Variants in MKRN2OS observed in about 807,000 individuals in gnomAD.
The protein encoded by MKRN2OS is MKRN2 opposite strand protein.
A neutral mutation model predicts 18.2 loss-of-function variants in MKRN2OS; 17 were observed. The observed-to-expected ratio is 0.93, with a 90% CI of 0.64 to 1.40. The LOEUF is 1.40. Among genes scored for constraint, MKRN2OS ranks in the 40% most tolerant of loss-of-function variants. The probability of loss-of-function intolerance (pLI) is 0.00; values close to 1 mark genes in which losing one functional copy is unlikely to be tolerated. For synonymous variants in MKRN2OS, 121 were observed against 108.5 expected, an observed-to-expected ratio of 1.12 and a Z score of -0.72; for missense variants, 337 against 283.0, an observed-to-expected ratio of 1.19 and a Z score of -1.37.
In MKRN2OS at chr3:12,543,230, C is replaced by A. The variant is rs2057839875; in HGVS notation, c.219-1G>T. 1 of 1,532,860 alleles carries A rather than the reference C, an allele frequency of 6.5e-7. No homozygotes were observed. Among genetic ancestry groups the A allele is most frequent in the Admixed American group, 2.0e-5 (1 of 50,412 alleles). The allele number at this position is 1,532,860 out of a possible 1,614,324, so 95.0% of individuals were successfully genotyped here. On this transcript the variant is annotated splice_acceptor_variant, in intron 1 of 3. Transcript: ENST00000564146. LOFTEE classifies it high-confidence loss of function. ...AAGATCAGACCTTCCATCATACTCT[C>A]TGAAAGAAACAAGGTTTGTTTTTTT...
At chr3:12,545,010 G>C (rs2057866372) in intron 1 of MKRN2OS, among the ~76,000 whole-genome samples, 2 of 152,172 alleles carry the variant, frequency 1.3e-5, no homozygotes, top group South Asian at 4.1e-4. Flanking sequence ...AATCATATGA[G>C]CAGGTTTACT....
At chr3:12,553,686 G>A (rs1323152813), downstream of MKRN2OS, 1 of 152,040 alleles carries the variant, frequency 6.6e-6, no homozygotes, top group Non-Finnish European at 1.5e-5. Flanking sequence ...AATAAGGCAA[G>A]GAAAAGAAAT....
intron 1 of MKRN2OS, among the ~76,000 whole-genome samples, chr3:12,554,720 A>T (rs766856940): frequency 6.6e-6 from 1 of 152,166 alleles, no homozygotes; most frequent in Non-Finnish European, 1.5e-5. Context: ...TCCACTGATT[A>T]TGTACGCTGT....
upstream of MKRN2OS, among the ~76,000 whole-genome samples, chr3:12,548,399 G>C (rs1345209883): frequency 1.2e-5 from 1 of 83,816 alleles, no homozygotes; most frequent in Non-Finnish European, 2.1e-5. Context: ...AGTGAGCCGA[G>C]ATCGCGCCAC....
At chr3:12,557,190 A>G in intron 1 of MKRN2OS, 1 of 1,534,856 alleles carries the variant, frequency 6.5e-7, no homozygotes, top group Non-Finnish European at 8.8e-7. Flanking sequence ...AGTGCGCTGG[A>G]GCCAGGAGCT....
intron 1 of MKRN2OS, among the ~76,000 whole-genome samples, chr3:12,557,345 G>T (rs1244423773): frequency 2.0e-5 from 3 of 152,234 alleles, no homozygotes; most frequent in African/African-American, 7.2e-5. Flanking sequence ...CGCCACAGCC[G>T]GGGATCCGGG....
intron 1 of MKRN2OS, among the ~76,000 whole-genome samples, chr3:12,558,649 G>A (rs921728400): frequency 2.0e-5 from 3 of 152,200 alleles, no homozygotes; most frequent in Non-Finnish European, 4.4e-5. Flanking sequence ...TTACACCTTA[G>A]TAGAGGCACA....
rs2057983413 is a variant in MKRN2OS at position 12,557,229 on chromosome 3, G to C, written n.265-3095C>G. The C allele has an allele frequency of 2.0e-6, 3 of 1,518,016 alleles. No individual in the cohort carries two copies. The African/African-American group carries it at 4.3e-5, about 22-fold the overall frequency. The allele number at this position is 1,518,016 out of a possible 1,614,324, so 94.0% of individuals were successfully genotyped here. ...GGCCGCTCCCCCAGGCCGCAGGGGGGCCGGTGCGCGCCAGTGCTGTGGTCC... is the reference window on the plus strand; with the variant it reads ...GGCCGCTCCCCCAGGCCGCAGGGGGCCCGGTGCGCGCCAGTGCTGTGGTCC... On this transcript the variant is annotated intron_variant and non_coding_transcript_variant, in intron 1 of 1. Coordinates refer to the MKRN2OS transcript ENST00000447550.
Position 12,557,230 on chromosome 3 carries a change from C to A in MKRN2OS, n.265-3096G>T, listed in dbSNP as rs1428183023. 11 of 1,516,120 alleles carry A rather than the reference C, an allele frequency of 7.3e-6. No homozygotes were observed. The East Asian group carries it at 2.9e-4, about 40-fold the overall frequency. The allele number at this position is 1,516,120 out of a possible 1,614,324, so 93.9% of individuals were successfully genotyped here. A position where few individuals can be genotyped will look rare whatever the true frequency, so the allele number is the denominator to read the frequency against. ...GCCGCTCCCCCAGGCCGCAGGGGGG[C>A]CGGTGCGCGCCAGTGCTGTGGTCCG... On this transcript the variant is annotated intron_variant and non_coding_transcript_variant, in intron 1 of 1. Transcript: ENST00000447550.
In MKRN2OS at chr3:12,541,916, C is replaced by G. The variant is rs1336078520; in HGVS notation, c.375G>C (p.Glu125Asp). Residue 125 changes from glutamate to aspartate, a missense_variant, in exon 3 of 4, where the codon GAG (glutamate) becomes GAC (aspartate). By Grantham distance (45) the Glu-to-Asp change is conservative. Coordinates refer to ENST00000564146, the MANE Select transcript of MKRN2OS (RefSeq NM_001195279.2). ...AGTCTTCCAGGTACTTGTCCCATTG[C>G]TCCATCATTCCATACATGTTGGGCT... is the stretch of plus-strand genomic sequence containing the variant. Reference protein sequence around the residue: ...LLQPNMYGMMEQWDKYLEDFS... With the variant: ...LLQPNMYGMMDQWDKYLEDFS... 7 of 1,535,972 alleles carry G rather than the reference C, an allele frequency of 4.6e-6. No individual in the cohort carries two copies. Among genetic ancestry groups the G allele is most frequent in the Non-Finnish European group, 6.1e-6 (7 of 1,146,900 alleles).
At chr3:12,552,719 TTTAA>T (rs1224434710), downstream of MKRN2OS, among the ~76,000 whole-genome samples, 11 of 151,686 alleles carry the variant, frequency 7.3e-5, no homozygotes, top group African/African-American at 2.7e-4. Context: ...CATTTAAATC[TTTAA>T]TTAAAAATCA....
At chr3:12,557,406 G>A (rs1328637552) in intron 1 of MKRN2OS, among the ~76,000 whole-genome samples, 1 of 152,238 alleles carries the variant, frequency 6.6e-6, no homozygotes, top group Non-Finnish European at 1.5e-5. Flanking sequence ...GCTACGCCCC[G>A]AGTTTGAAGC....
At chr3:12,546,838 A>G (rs1378175502), upstream of MKRN2OS, among the ~76,000 whole-genome samples, 1 of 152,144 alleles carries the variant, frequency 6.6e-6, no homozygotes, top group African/African-American at 2.4e-5. Context: ...TCAGCCTCCC[A>G]AAGTGCTGGG....
upstream of MKRN2OS, among the ~76,000 whole-genome samples, chr3:12,548,724 C>A (rs2057907097): frequency 3.9e-5 from 6 of 152,078 alleles, no homozygotes; most frequent in South Asian, 1.2e-3. Context: ...CTTTCTGACA[C>A]CAACACCAAG....
chr3:12,560,478 T>TAAAAAAAAAAAAAAAAAAAAAA (rs10651248), intron 1 of MKRN2OS, among the ~76,000 whole-genome samples: 3 of 124,970 alleles, frequency 2.4e-5, no homozygotes, highest in Non-Finnish European at 3.4e-5. Context: ...TAGGAAAATG[T>TAAAAAAAAAAAAAAAAAAAAAA]AAAAAAAAAA....
intron 1 of MKRN2OS, among the ~76,000 whole-genome samples, chr3:12,557,905 C>T (rs1251956028): frequency 6.6e-6 from 1 of 152,154 alleles, no homozygotes; most frequent in African/African-American, 2.4e-5. Context: ...TAGAAAATAG[C>T]CAGATAGCTA....
intron 2 of MKRN2OS, among the ~76,000 whole-genome samples, chr3:12,542,711 T>TA (rs544900301): frequency 0.12 from 13,264 of 108,624 alleles, 856 homozygotes; most frequent in Non-Finnish European, 0.16. Flanking sequence ...TCACTTTCCT[T>TA]AAAAAAAAAA....
chr3:12,544,026 C>T (rs1215022337), intron 1 of MKRN2OS, among the ~76,000 whole-genome samples: 3 of 152,132 alleles, frequency 2.0e-5, no homozygotes, highest in Non-Finnish European at 2.9e-5. Flanking sequence ...GTCCTTTCTG[C>T]GTTGGCTGCC....
chr3:12,558,828 AGTCATGTTT>A (rs2058008143), intron 1 of MKRN2OS, among the ~76,000 whole-genome samples: 1 of 152,196 alleles, frequency 6.6e-6, no homozygotes, highest in Non-Finnish European at 1.5e-5. Flanking sequence ...TTAAGTGTTT[AGTCATGTTT>A]GTTGGGGACT....
Sources: allele counts gnomAD v4.1 joint callset (sites outside exome capture counted in the v4.1 genomes callset), GRCh38; gene constraint gnomAD v4.1.1; transcripts MANE v1.5; gene names NCBI Gene and HGNC (gene_info 2026-07-23, HGNC 2026-07-21).